SZRD1: variants seen among roughly 807,000 people sequenced by gnomAD.
SZRD1 encodes the protein SUZ RNA binding domain containing 1, also known as SUZ RNA-binding domain-containing.
A neutral mutation model predicts 17.6 loss-of-function variants in SZRD1; 7 were observed. The observed-to-expected ratio is 0.40, with a 90% CI of 0.23 to 0.75. The LOEUF (loss-of-function observed/expected upper bound fraction) is 0.75. Among genes scored for constraint, SZRD1 ranks in the 30% least tolerant of loss-of-function variants. The pLI is 0.38. For synonymous variants in SZRD1, 77 were observed against 77.9 expected, an observed-to-expected ratio of 0.99 and a Z score of 0.06; for missense variants, 178 against 201.8, an observed-to-expected ratio of 0.88 and a Z score of 0.71.
intron 3 of SZRD1, among the ~76,000 whole-genome samples, chr1:16,394,675 G>C (rs1293837857): frequency 6.6e-6 from 1 of 152,170 alleles, no homozygotes; most frequent in Non-Finnish European, 1.5e-5. Context: ...TTTTAAGATG[G>C]GGGACATCTA....
Position 16,391,495 on chromosome 1 carries a change from C to G in SZRD1, c.101+71C>G. On this transcript the variant is annotated intron_variant, in intron 2 of 3. Transcript: ENST00000401088. The surrounding 1 kb of genome is among the most constrained non-coding windows in gnomAD (Gnocchi z 4.3). The stretch of plus-strand genomic sequence containing the variant: ...AGAGCCGGGCAGTCAGTGGTGTTCT[C>G]CAGCTGGCCATTAGGATTAGCAGGT... The G allele has an allele frequency of 6.0e-6, 8 of 1,328,294 alleles. No individual in the cohort carries two copies. Among genetic ancestry groups the G allele is most frequent in the Non-Finnish European group, 8.4e-6 (8 of 951,596 alleles). The allele number at this position is 1,328,294 out of a possible 1,614,324, so 82.3% of individuals were successfully genotyped here. A position where few individuals can be genotyped will look rare whatever the true frequency, so the allele number is the denominator to read the frequency against.
chr1:16,368,330 T>G (rs1569984335), intron 1 of SZRD1, among the ~76,000 whole-genome samples: 2 of 151,956 alleles, frequency 1.3e-5, no homozygotes, highest in Non-Finnish European at 2.9e-5. Flanking sequence ...AGGCGCTGGG[T>G]TTTTTTTCCT....
Position 16,393,197 on chromosome 1 carries a change from G to T in SZRD1, c.102-31G>T. ...ACAGGGCCTCCTTAGTCAGGAGCAT[G>T]ATTTGTGAAGCTGTGTTTGCTCTTT... On this transcript the variant is annotated intron_variant, in intron 2 of 3. Coordinates refer to ENST00000401088, the MANE Select transcript of SZRD1 (RefSeq NM_001114600.3). The surrounding 1 kb of genome is among the most constrained non-coding windows in gnomAD (Gnocchi z 5.6). 3.1e-6 allele frequency: 5 copies of T among 1,608,980 alleles called. No homozygotes were observed. Among genetic ancestry groups the T allele is most frequent in the East Asian group, 2.2e-5 (1 of 44,766 alleles).
rs112670693 is a variant in SZRD1 at position 16,382,065 on chromosome 1, G to A, written c.52-9310G>A. On this transcript the variant is annotated intron_variant, in intron 1 of 3. Transcript: ENST00000401088. Reference sequence around the variant, plus strand: ...TGTGGTGGCCATGCTTGATAGGGGAGAGTGGTAGGAGATGAGGTCAGAGGT... The same window carrying A: ...TGTGGTGGCCATGCTTGATAGGGGAAAGTGGTAGGAGATGAGGTCAGAGGT... Among the ~76,000 whole-genome samples, 44 of 152,342 alleles carry A rather than the reference G, an allele frequency of 2.9e-4. 1 individual carries two copies. Among genetic ancestry groups the A allele is most frequent in the African/African-American group, 1.0e-3 (43 of 41,572 alleles).
chr1:16,369,807 T>G lies in SZRD1; in HGVS notation c.51+2499T>G, dbSNP rs181396469. ...GGGAGGCTGAGCCAGGAGAATTGCT[T>G]GAACCTAGGAGGCGGAGGTTGCAGT... On this transcript the variant is annotated intron_variant, in intron 1 of 3. Transcript: ENST00000401088. Among the ~76,000 whole-genome samples, 11 of 151,246 alleles carry G rather than the reference T, an allele frequency of 7.3e-5. No homozygotes were observed. In the East Asian group the frequency reaches 2.1e-3, roughly 29 times the overall value.
rs778883651 is a variant in SZRD1 at position 16,391,400 on chromosome 1, A to T, written c.77A>T (p.Lys26Ile). The T allele has an allele frequency of 1.9e-5, 29 of 1,549,398 alleles. No homozygotes were observed. The highest frequency in any genetic ancestry group is 1.8e-4 in the Admixed American group (9 of 50,970). The change falls in exon 2 of 4, where the codon AAA becomes ATA. Residue 26 changes from lysine to isoleucine, a missense_variant. Physicochemically the swap from Lys to Ile is moderately radical, Grantham distance 102. Coordinates refer to ENST00000401088, the MANE Select transcript of SZRD1 (RefSeq NM_001114600.3). This position sits in a 1 kb window ranked among gnomAD's most constrained non-coding sequence, Gnocchi z 4.3. ...SGEIDRRLEK[K>I]LKITQKESRK... The stretch of plus-strand genomic sequence containing the variant: ...GAAATAGACAGACGGTTGGAAAAAA[A>T]ACTGAAGATCACACAAAAAGAGAGG...
At chr1:16,372,730 C>A (rs2082934941) in intron 1 of SZRD1, among the ~76,000 whole-genome samples, 1 of 152,184 alleles carries the variant, frequency 6.6e-6, no homozygotes, top group Admixed American at 6.6e-5. Flanking sequence ...TTACTTTCTA[C>A]CCCCATGAGC....
At chr1:16,380,793 G>T (rs1459543955) in intron 1 of SZRD1, among the ~76,000 whole-genome samples, 1 of 152,100 alleles carries the variant, frequency 6.6e-6, no homozygotes, top group Non-Finnish European at 1.5e-5. Context: ...TATTTGTAGA[G>T]ATGGGATTTT....
chr1:16,389,185 G>A (rs1441001470), intron 1 of SZRD1, among the ~76,000 whole-genome samples: 2 of 136,814 alleles, frequency 1.5e-5, no homozygotes, highest in East Asian at 4.7e-4. Context: ...CCAGGTTCAC[G>A]CCATCCTCCT....
At chr1:16,379,807 C>A (rs1274110497) in intron 1 of SZRD1, among the ~76,000 whole-genome samples, 1 of 141,154 alleles carries the variant, frequency 7.1e-6, no homozygotes, top group Non-Finnish European at 1.5e-5. Flanking sequence ...GTTGCCCAGG[C>A]TGGAGTGCAG....
At chr1:16,384,556 G>A (rs1211701137) in intron 1 of SZRD1, among the ~76,000 whole-genome samples, 1 of 152,090 alleles carries the variant, frequency 6.6e-6, no homozygotes, top group Non-Finnish European at 1.5e-5. Context: ...CATATTTGTG[G>A]TATGGGAAAC....
intron 1 of SZRD1, among the ~76,000 whole-genome samples, chr1:16,381,569 A>T (rs79303283): frequency 6.6e-6 from 1 of 150,920 alleles, no homozygotes; most frequent in Non-Finnish European, 1.5e-5. Context: ...AAAAAAAAAA[A>T]AAGATCAGAG....
chr1:16,380,507 C>T (rs1484007963), intron 1 of SZRD1, among the ~76,000 whole-genome samples: 2 of 151,922 alleles, frequency 1.3e-5, no homozygotes, highest in African/African-American at 4.8e-5. Flanking sequence ...CTCTTGCTGC[C>T]CAGGCTACTG....
At chr1:16,385,854 G>A (rs1267404918) in intron 1 of SZRD1, among the ~76,000 whole-genome samples, 2 of 152,184 alleles carry the variant, frequency 1.3e-5, no homozygotes, top group South Asian at 2.1e-4. Context: ...GTTGACATCT[G>A]ATCCCATTCA....
chr1:16,371,008 C>A (rs1325727105), intron 1 of SZRD1, among the ~76,000 whole-genome samples: 1 of 152,160 alleles, frequency 6.6e-6, no homozygotes, highest in African/African-American at 2.4e-5. Context: ...AAAGTCTTGG[C>A]TTCAGGTTAT....
Position 16,391,499 on chromosome 1 carries a change from C to A in SZRD1, c.101+75C>A. ...CCGGGCAGTCAGTGGTGTTCTCCAG[C>A]TGGCCATTAGGATTAGCAGGTCCTA... On this transcript the variant is annotated intron_variant, in intron 2 of 3. Coordinates refer to ENST00000401088, the MANE Select transcript of SZRD1 (RefSeq NM_001114600.3). This position sits in a 1 kb window ranked among gnomAD's most constrained non-coding sequence, Gnocchi z 4.3. The A allele has an allele frequency of 7.6e-7, 1 of 1,313,522 alleles. No individual in the cohort carries two copies. Among genetic ancestry groups the A allele is most frequent in the Non-Finnish European group, 1.1e-6 (1 of 938,130 alleles). The allele number at this position is 1,313,522 out of a possible 1,614,324, so 81.4% of individuals were successfully genotyped here.
chr1:16,374,684 G>A (rs78369797), intron 1 of SZRD1, among the ~76,000 whole-genome samples: 2,494 of 152,216 alleles, frequency 0.016, 60 homozygotes, highest in African/African-American at 0.058. Context: ...TGTTGGCCCC[G>A]ACAGCTAGCA....
intron 1 of SZRD1, among the ~76,000 whole-genome samples, chr1:16,381,795 G>A (rs2083109553): frequency 6.6e-6 from 1 of 151,622 alleles, no homozygotes; most frequent in Admixed American, 6.6e-5. Context: ...AGCCGGGTGT[G>A]GTGGCAGGCG....
chr1:16,371,593 C>T (rs1464446242), intron 1 of SZRD1, among the ~76,000 whole-genome samples: 2 of 151,866 alleles, frequency 1.3e-5, no homozygotes, highest in African/African-American at 4.8e-5. Context: ...TCCCGAGTAG[C>T]TGGGACTACA....
Sources: allele counts gnomAD v4.1 joint callset (sites outside exome capture counted in the v4.1 genomes callset), GRCh38; gene constraint gnomAD v4.1.1; non-coding constraint Gnocchi (gnomAD v3.1); transcripts MANE v1.5; gene names NCBI Gene and HGNC (gene_info 2026-07-23, HGNC 2026-07-21).